The following PCED1B variants were observed in gnomAD, a reference collection of about 807,000 sequenced individuals.
PCED1B encodes the protein PC-esterase domain-containing protein 1B.
For missense variants in PCED1B, 573 were observed against 573.9 expected (o/e 1.00, Z 0.02); for synonymous variants, 251 against 246.1 (o/e 1.02, Z -0.19).
chr12:47,192,161 C>CTTTTTT (rs145687998), intron 2 of PCED1B, among the ~76,000 whole-genome samples: 4 of 130,912 alleles, frequency 3.1e-5, no homozygotes, highest in African/African-American at 8.8e-5. Flanking sequence ...GGAGGCTACG[C>CTTTTTT]TTTTTTTTTT....
At chr12:47,132,014 A>G (rs1940152645) in intron 2 of PCED1B, among the ~76,000 whole-genome samples, 1 of 152,176 alleles carries the variant, frequency 6.6e-6, no homozygotes, top group African/African-American at 2.4e-5. Context: ...AAAATAGGGA[A>G]GTTGAAGTGA....
chr12:47,112,827 T>A (rs1477396019), intron 2 of PCED1B, among the ~76,000 whole-genome samples: 2 of 152,204 alleles, frequency 1.3e-5, no homozygotes, highest in Non-Finnish European at 2.9e-5. Flanking sequence ...GCTTCCTTCC[T>A]TCAGCTAAGA....
chr12:47,168,993 A>G (rs946445594), intron 2 of PCED1B, among the ~76,000 whole-genome samples: 1 of 152,240 alleles, frequency 6.6e-6, no homozygotes, highest in African/African-American at 2.4e-5. Flanking sequence ...TACTCAAAGG[A>G]TATATGGTTT....
chr12:47,183,918 G>A lies in PCED1B; in HGVS notation c.-525-32304G>A, dbSNP rs557742619. ...GCACCAGTTGGTGCTATGCTAGGCA[G>A]TGGGGATACTGCATGAACAGAACAG... On this transcript the variant is annotated intron_variant, in intron 2 of 3. Transcript: ENST00000546455. Among the ~76,000 whole-genome samples, 4 of 152,362 alleles carry A rather than the reference G, an allele frequency of 2.6e-5. No individual in the cohort carries two copies. In the East Asian group the frequency reaches 7.7e-4, roughly 29 times the overall value.
intron 1 of PCED1B, among the ~76,000 whole-genome samples, chr12:47,089,837 G>A (rs1938186778): frequency 6.6e-6 from 1 of 152,002 alleles, no homozygotes; most frequent in Non-Finnish European, 1.5e-5. Flanking sequence ...GCAGTGGCAT[G>A]ATCTTGGCTC....
rs560188420 is a variant in PCED1B at position 47,227,206 on chromosome 12, C to T, written c.-57-7801C>T. 1.6e-4 allele frequency among the ~76,000 whole-genome samples: 24 copies of T among 152,194 alleles called. No individual in the cohort carries two copies. The South Asian group carries it at 4.8e-3, about 30-fold the overall frequency. ...TGAGGCAGAGTCTCGCTCTGTCACC[C>T]AGTCTGGAGTGCAGCAGCAAGATGG... On this transcript the variant is annotated intron_variant, in intron 3 of 3. Transcript: ENST00000546455.
At chr12:47,103,783 G>A (rs1200562017) in intron 1 of PCED1B, among the ~76,000 whole-genome samples, 1 of 152,134 alleles carries the variant, frequency 6.6e-6, no homozygotes, top group African/African-American at 2.4e-5. Flanking sequence ...CAAGCTCAAA[G>A]CCGTAAGACA....
intron 1 of PCED1B, among the ~76,000 whole-genome samples, chr12:47,085,066 C>T (rs775876547): frequency 3.3e-5 from 5 of 152,324 alleles, no homozygotes; most frequent in African/African-American, 4.8e-5. Flanking sequence ...ATCGCTTGAA[C>T]CTGGGAGACA....
intron 2 of PCED1B, among the ~76,000 whole-genome samples, chr12:47,168,207 TAG>T (rs1254062514): frequency 6.6e-6 from 1 of 152,240 alleles, no homozygotes; most frequent in Non-Finnish European, 1.5e-5. Flanking sequence ...GGTGATTTTT[TAG>T]AGAGTAGGTC....
chr12:47,196,878 T>C (rs1381439608), intron 2 of PCED1B, among the ~76,000 whole-genome samples: 1 of 151,368 alleles, frequency 6.6e-6, no homozygotes, highest in African/African-American at 2.4e-5. Flanking sequence ...AATATGAACA[T>C]AAAATTAACA....
At chr12:47,217,482 A>AAAAGAAGAC in intron 3 of PCED1B, among the ~76,000 whole-genome samples, 1 of 115,222 alleles carries the variant, frequency 8.7e-6, no homozygotes, top group South Asian at 2.5e-4. Flanking sequence ...GAAAGAAAGA[A>AAAAGAAGAC]AGAAAGAAAG....
At chr12:47,131,128 A>G (rs575618662) in intron 2 of PCED1B, among the ~76,000 whole-genome samples, 1 of 152,350 alleles carries the variant, frequency 6.6e-6, no homozygotes, top group South Asian at 2.1e-4. Context: ...TCCTTATTCT[A>G]TCACTTGAGG....
chr12:47,203,825 C>T (rs1298168750), intron 2 of PCED1B, among the ~76,000 whole-genome samples: 1 of 152,136 alleles, frequency 6.6e-6, no homozygotes, highest in African/African-American at 2.4e-5. Flanking sequence ...TGGGTATATA[C>T]CCGGTAATGG....
At chr12:47,081,928 C>T (rs1937751309) in intron 1 of PCED1B, among the ~76,000 whole-genome samples, 1 of 152,128 alleles carries the variant, frequency 6.6e-6, no homozygotes, top group Admixed American at 6.5e-5. Context: ...GCAGAGATTA[C>T]ACAGCAAAAG....
chr12:47,156,651 C>T (rs1232742541), intron 2 of PCED1B, among the ~76,000 whole-genome samples: 2 of 152,006 alleles, frequency 1.3e-5, no homozygotes, highest in African/African-American at 4.8e-5. Context: ...GTGACCATAC[C>T]ACCTCCTCCA....
chr12:47,145,681 A>G (rs1477470901), intron 2 of PCED1B, among the ~76,000 whole-genome samples: 1 of 152,234 alleles, frequency 6.6e-6, no homozygotes, highest in Non-Finnish European at 1.5e-5. Flanking sequence ...GGATAACAAC[A>G]TATCTATTTA....
chr12:47,092,366 G>T (rs535856365), intron 1 of PCED1B, among the ~76,000 whole-genome samples: 2 of 151,910 alleles, frequency 1.3e-5, no homozygotes, highest in South Asian at 2.1e-4. Context: ...TTTATATGTT[G>T]ACTGTATATC....
At chr12:47,114,631 T>C (rs1939339521) in intron 2 of PCED1B, among the ~76,000 whole-genome samples, 2 of 152,178 alleles carry the variant, frequency 1.3e-5, no homozygotes, top group South Asian at 4.1e-4. Context: ...GCTTGATCTG[T>C]AGAGCTTTCT....
At chr12:47,098,779 G>A (rs1269659320) in intron 1 of PCED1B, among the ~76,000 whole-genome samples, 3 of 152,158 alleles carry the variant, frequency 2.0e-5, no homozygotes, top group Non-Finnish European at 4.4e-5. Context: ...ACCGCGCCTG[G>A]CCATAATATT....
Sources: gnomAD v4.1 joint callset for allele counts (sites outside exome capture counted in the v4.1 genomes callset) on GRCh38, gnomAD v4.1.1 for gene constraint, MANE v1.5 for transcripts, NCBI Gene and HGNC (gene_info 2026-07-23, HGNC 2026-07-21) for gene names.